Variants in GNAO1 observed in about 807,000 individuals in gnomAD.
The protein encoded by GNAO1 is G protein subunit alpha o1, also known as guanine nucleotide-binding protein G(o) subunit alpha.
For synonymous variants in GNAO1, 164 were observed against 180.7 expected, an observed-to-expected ratio of 0.91 and a Z score of 0.74; for missense variants, 166 against 478.7, an observed-to-expected ratio of 0.35 and a Z score of 6.10.
At chr16:56,321,542 C>T (rs576804051) in intron 3 of GNAO1, among the ~76,000 whole-genome samples, 3 of 152,148 alleles carry the variant, frequency 2.0e-5, no homozygotes, top group Non-Finnish European at 2.9e-5. Context: ...CTTCACAGGC[C>T]AGTGAGATGG....
intron 2 of GNAO1, chr16:56,226,524 A>G (rs1455308133): frequency 6.6e-6 from 1 of 152,242 alleles, no homozygotes; most frequent in Non-Finnish European, 1.5e-5. Context: ...AGAGCATTCC[A>G]TGGCTTTGCT....
intron 2 of GNAO1, among the ~76,000 whole-genome samples, chr16:56,229,764 C>T (rs2143393851): frequency 6.6e-6 from 1 of 151,202 alleles, no homozygotes; most frequent in East Asian, 2.0e-4. Flanking sequence ...GGCCCAGAAA[C>T]TCAAGTGTAT....
At chr16:56,237,988 G>T (rs16956189) in intron 2 of GNAO1, among the ~76,000 whole-genome samples, 19,628 of 152,084 alleles carry the variant, frequency 0.13, 1,598 homozygotes, top group African/African-American at 0.22. Context: ...TCAAAACTTT[G>T]GGCCAGCAGC....
At chr16:56,275,833 A>T in intron 2 of GNAO1, 98 bp from the exon 3 acceptor site, 1 of 1,015,386 alleles carries the variant, frequency 9.8e-7, no homozygotes, top group Non-Finnish European at 1.4e-6. Flanking sequence ...TCTCGGCTGG[A>T]CCTGGCCCAC....
intron 3 of GNAO1, among the ~76,000 whole-genome samples, chr16:56,291,028 T>C (rs910857099): frequency 3.3e-5 from 5 of 152,230 alleles, no homozygotes; most frequent in African/African-American, 9.6e-5. Context: ...TTGATGGACA[T>C]TGAGGTTGTT....
chr16:56,269,736 G>A (rs2036996475), intron 2 of GNAO1, among the ~76,000 whole-genome samples: 2 of 152,178 alleles, frequency 1.3e-5, no homozygotes, highest in Non-Finnish European at 2.9e-5. Context: ...AGCTGGAGAT[G>A]TAGTGAAAAA....
Position 56,357,395 on chromosome 16 carries a change from A to G in GNAO1, c.*1321A>G, listed in dbSNP as rs372454938. 6.6e-6 allele frequency: 1 copy of G among 151,198 alleles called. No homozygotes were observed. The highest frequency in any genetic ancestry group is 1.9e-4 in the East Asian group (1 of 5,186). The allele number at this position is 151,198 out of a possible 1,614,324, so 9.4% of individuals were successfully genotyped here. A position where few individuals can be genotyped will look rare whatever the true frequency, so the allele number is the denominator to read the frequency against. Reference sequence around the variant, plus strand: ...TACACACTGCCAGTCTACTTCTCTGACTAATGGAAAATTCCTGTGTAGCTC... The same window carrying G: ...TACACACTGCCAGTCTACTTCTCTGGCTAATGGAAAATTCCTGTGTAGCTC... On this transcript the variant is annotated 3_prime_UTR_variant, in exon 9 of 9. Transcript: ENST00000262493.
intron 2 of GNAO1, among the ~76,000 whole-genome samples, chr16:56,198,418 G>T (rs2036252902): frequency 2.0e-5 from 3 of 152,188 alleles, no homozygotes; most frequent in Admixed American, 2.0e-4. Flanking sequence ...TTGTTAACTG[G>T]TTCAGATAAA....
At chr16:56,320,001 T>C (rs1304789744) in intron 3 of GNAO1, among the ~76,000 whole-genome samples, 4 of 152,202 alleles carry the variant, frequency 2.6e-5, no homozygotes, top group Non-Finnish European at 5.9e-5. Flanking sequence ...AAGAGTGAGA[T>C]ATCATTTAAC....
At chr16:56,237,403 C>T (rs2036648245) in intron 2 of GNAO1, among the ~76,000 whole-genome samples, 1 of 152,042 alleles carries the variant, frequency 6.6e-6, no homozygotes, top group Non-Finnish European at 1.5e-5. Flanking sequence ...TAATGAGTAA[C>T]TACGGCTGTG....
intron 6 of GNAO1, among the ~76,000 whole-genome samples, chr16:56,348,364 G>A (rs2037892438): frequency 6.6e-6 from 1 of 152,176 alleles, no homozygotes; most frequent in Non-Finnish European, 1.5e-5. Flanking sequence ...TGGGCGCCCT[G>A]CCCCCCTGTC....
At chr16:56,333,828 C>G (rs1372918620) in intron 4 of GNAO1, among the ~76,000 whole-genome samples, 1 of 152,280 alleles carries the variant, frequency 6.6e-6, no homozygotes, top group Non-Finnish European at 1.5e-5. Flanking sequence ...CTGTGGGCTG[C>G]TTGTGGTTTG....
intron 2 of GNAO1, 142 bp from the exon 3 acceptor site, chr16:56,275,789 T>G (rs1182791728): frequency 1.8e-6 from 1 of 548,080 alleles, no homozygotes; most frequent in African/African-American, 1.9e-5. Context: ...CTTTAGATTT[T>G]ATGACATTAA....
chr16:56,228,165 ATCCATCTGCC>A (rs1200245005), intron 2 of GNAO1, among the ~76,000 whole-genome samples: 4 of 152,176 alleles, frequency 2.6e-5, no homozygotes, highest in African/African-American at 9.7e-5. Context: ...GCCAGCCTGC[ATCCATCTGCC>A]TCCGTCTGCA....
At chr16:56,266,194 C>T (rs769282874) in intron 2 of GNAO1, among the ~76,000 whole-genome samples, 28 of 152,160 alleles carry the variant, frequency 1.8e-4, no homozygotes, top group South Asian at 6.2e-4. Flanking sequence ...CTGTCCTGTT[C>T]GCCAGTCTCC....
chr16:56,256,708 C>CTGTG (rs1158339826), intron 2 of GNAO1, among the ~76,000 whole-genome samples: 36 of 119,474 alleles, frequency 3.0e-4, no homozygotes, highest in African/African-American at 1.1e-3. Context: ...CTCTCTCTCT[C>CTGTG]TCTCTCTCTC....
intron 6 of GNAO1, chr16:56,346,731 C>T (rs977938089): frequency 5.1e-6 from 5 of 985,610 alleles, no homozygotes; most frequent in Admixed American, 6.1e-5. Flanking sequence ...CCCAGGCCCT[C>T]CCCACAGCCC....
chr16:56,345,026 A>G, intron 6 of GNAO1: 1 of 985,344 alleles, frequency 1.0e-6, no homozygotes, highest in Non-Finnish European at 1.2e-6. Context: ...ACCCTGGAGT[A>G]TTTGGACCCA....
At chr16:56,233,250 C>T (rs1181275562) in intron 2 of GNAO1, among the ~76,000 whole-genome samples, 1 of 152,212 alleles carries the variant, frequency 6.6e-6, no homozygotes. Context: ...AGAATGAGAG[C>T]TCTGTGTAGG....
Sources: gnomAD v4.1 joint callset for allele counts (sites outside exome capture counted in the v4.1 genomes callset) on GRCh38, gnomAD v4.1.1 for gene constraint, MANE v1.5 for transcripts, NCBI Gene and HGNC (gene_info 2026-07-23, HGNC 2026-07-21) for gene names.